The following CCL5 variants were observed in gnomAD, a reference collection of about 807,000 sequenced individuals.
The protein encoded by CCL5 is C-C motif chemokine ligand 5, also known as C-C motif chemokine 5.
In CCL5, 5 loss-of-function variants were observed where a neutral mutation model predicts 9.0. The ratio of observed to expected loss-of-function variants is 0.55; its 90% CI spans 0.29 to 1.16. CCL5 has a LOEUF of 1.16. Ranked by LOEUF, CCL5 falls within the 50% of genes most tolerant of loss-of-function variation. The pLI, the probability that CCL5 is intolerant of heterozygous loss-of-function variation, is 0.08. For missense variants in CCL5, 183 were observed against 183.2 expected, an observed-to-expected ratio of 1.00 and a Z score of 0.01; for synonymous variants, 66 against 72.0, an observed-to-expected ratio of 0.92 and a Z score of 0.42.
intron 2 of CCL5, 41 bp downstream of exon 2, chr17:35,878,487 G>A (rs1195827582): frequency 1.4e-6 from 2 of 1,411,974 alleles, no homozygotes; most frequent in African/African-American, 2.8e-5. Context: ...GGACTCCTCA[G>A]GGAACAGGCT....
rs1205214946 is a variant in CCL5 at position 35,880,299 on chromosome 17, C to T, written c.7G>A (p.Val3Ile). ...ATGACAGCGAGGGCTGCCGCGGAGA[C>T]CTTCATGGTACCTGTGGGAGAGGCT... is the stretch of plus-strand genomic sequence containing the variant. Residue 3 changes from valine to isoleucine, a missense_variant, in exon 1 of 4, where the codon GTC becomes ATC. Physicochemically the swap from Val to Ile is conservative, Grantham distance 29. Transcript: ENST00000651122. 5.6e-6 allele frequency: 9 copies of T among 1,612,006 alleles called. No homozygotes were observed. In the East Asian group the frequency reaches 1.3e-4, roughly 24 times the overall value.
intron 2 of CCL5, among the ~76,000 whole-genome samples, chr17:35,876,570 G>C (rs1568349797): frequency 1.3e-5 from 2 of 152,140 alleles, no homozygotes; most frequent in Admixed American, 1.3e-4. Context: ...AAAAGTGTCT[G>C]TCTTTGAAAC....
intron 1 of CCL5, among the ~76,000 whole-genome samples, chr17:35,879,578 T>C (rs2088487703): frequency 1.5e-5 from 2 of 131,726 alleles, no homozygotes; most frequent in Non-Finnish European, 3.0e-5. Flanking sequence ...GAGCTTGCAG[T>C]AAGCCGAGAT....
chr17:35,878,753 G>C, intron 1 of CCL5, 114 bp from the exon 2 acceptor site: 1 of 667,876 alleles, frequency 1.5e-6, no homozygotes, highest in South Asian at 1.9e-5. Flanking sequence ...TTCCTTGACA[G>C]AAACTGAGGC....
intron 2 of CCL5, among the ~76,000 whole-genome samples, chr17:35,876,754 T>C (rs1190478953): frequency 1.3e-5 from 2 of 152,214 alleles, no homozygotes; most frequent in African/African-American, 4.8e-5. Flanking sequence ...ACTCCGTGCT[T>C]TCCTACATGG....
At chr17:35,878,385 A>G in intron 2 of CCL5, 143 bp downstream of exon 2, 1 of 629,876 alleles carries the variant, frequency 1.6e-6, no homozygotes, top group South Asian at 1.9e-5. Context: ...GTCTTTTTAC[A>G]TGATAGCAGG....
At chr17:35,878,417 A>T in intron 2 of CCL5, 111 bp downstream of exon 2, 2 of 694,314 alleles carry the variant, frequency 2.9e-6, no homozygotes, top group Non-Finnish European at 5.2e-6. Context: ...CTAGAGATGG[A>T]GGAGCTGTGG....
In CCL5 at chr17:35,872,326, C is replaced by G. The variant is rs1240558857; in HGVS notation, c.409G>C (p.Ala137Pro). Reference sequence around the variant, plus strand: ...GAAGCCTCCCAAGCTAGGACAAGAGCAAGCAGAAACAGGCAAATTTGTGTA... The same window carrying G: ...GAAGCCTCCCAAGCTAGGACAAGAGGAAGCAGAAACAGGCAAATTTGTGTA... Residue 137 changes from alanine (A) to proline (P), a missense_variant, in exon 4 of 4, where the codon GCT (alanine) becomes CCT (proline). Physicochemically the swap from Ala to Pro is conservative, Grantham distance 27 (BLOSUM62 -1). Transcript: ENST00000651122. The G allele has an allele frequency of 6.2e-7, 1 of 1,608,736 alleles. No individual in the cohort carries two copies. The highest frequency in any genetic ancestry group is 1.7e-5 in the Admixed American group (1 of 59,840).
chr17:35,879,621 C>T (rs1568353738), intron 1 of CCL5, among the ~76,000 whole-genome samples: 2 of 120,794 alleles, frequency 1.7e-5, no homozygotes, highest in Non-Finnish European at 3.2e-5. Flanking sequence ...GGCGACAGAG[C>T]GAAGACTCCA....
At chr17:35,872,488 G>T (rs757287512) in intron 3 of CCL5, 24 bp from the exon 3 acceptor site, 70 of 1,609,208 alleles carry the variant, frequency 4.3e-5, no homozygotes, top group Non-Finnish European at 5.8e-5. Flanking sequence ...GAAGAAGAGG[G>T]AGGATGAGAC....
chr17:35,872,982 C>A (rs765220101), intron 3 of CCL5, among the ~76,000 whole-genome samples: 2 of 151,736 alleles, frequency 1.3e-5, no homozygotes, highest in African/African-American at 4.8e-5. Context: ...TTTCGCCTCC[C>A]GGGTTCAAGC....
At chr17:35,879,735 AT>A (rs1196463470) in intron 1 of CCL5, among the ~76,000 whole-genome samples, 1 of 148,634 alleles carries the variant, frequency 6.7e-6, no homozygotes, top group Non-Finnish European at 1.5e-5. Context: ...CCTTGTTTTT[AT>A]TTGTTTTTTA....
rs757614591 is a variant in CCL5 at position 35,872,286 on chromosome 17, G to A, written c.449C>T (p.Thr150Ile). 1.3e-6 allele frequency: 2 copies of A among 1,589,308 alleles called. No homozygotes were observed. Among genetic ancestry groups the A allele is most frequent in the Admixed American group, 1.7e-5 (1 of 58,612 alleles). ...CTGGGCCCTTCAAGGAGCGGGTGGG[G>A]TAGGATAGTGAGGGGAAGCCTCCCA... The change falls in exon 4 of 4, where the codon ACC (threonine) becomes ATC (isoleucine). Residue 150 changes from threonine (T) to isoleucine (I), a missense_variant. By Grantham distance (89) the Thr-to-Ile change is moderately conservative (BLOSUM62 -1). Transcript: ENST00000651122.
chr17:35,877,944 T>C (rs1331364448), intron 2 of CCL5, among the ~76,000 whole-genome samples: 2 of 152,080 alleles, frequency 1.3e-5, no homozygotes, highest in African/African-American at 4.8e-5. Context: ...CTTCCCCACA[T>C]AGGAGCATTC....
chr17:35,877,708 AT>A lies in CCL5; in HGVS notation c.188+819del, dbSNP rs372115891. On this transcript the variant is annotated intron_variant, in intron 2 of 3. Coordinates refer to ENST00000651122, the MANE Select transcript of CCL5 (RefSeq NM_001278736.2). The stretch of plus-strand genomic sequence containing the variant: ...TTTCCTATATAGTAGGGTTTATTAT[AT>A]TTTTCCAAATATACTAGCTTGCATA... Among the ~76,000 whole-genome samples the A allele has an allele frequency of 9.1e-4, 139 of 152,286 alleles. 6 individuals are homozygous for A. In the South Asian group the frequency reaches 0.028, roughly 31 times the overall value.
chr17:35,877,931 G>A (rs2088461496), intron 2 of CCL5, among the ~76,000 whole-genome samples: 1 of 152,020 alleles, frequency 6.6e-6, no homozygotes, highest in Non-Finnish European at 1.5e-5. Flanking sequence ...TGACTGACTT[G>A]ATCTTCCCCA....
At chr17:35,878,694 G>T (rs1343367669) in intron 1 of CCL5, 55 bp from the exon 2 acceptor site, 1 of 990,470 alleles carries the variant, frequency 1.0e-6, no homozygotes, top group Non-Finnish European at 1.6e-6. Flanking sequence ...CTGCACACTT[G>T]ACATTGTGCT....
chr17:35,872,304 G>A lies in CCL5; in HGVS notation c.431C>T (p.Ala144Val), dbSNP rs1362850038. Residue 144 changes from alanine to valine, a missense_variant, in exon 4 of 4, where the codon GCT becomes GTT. By Grantham distance (64) the Ala-to-Val change is moderately conservative (BLOSUM62 0). Coordinates refer to ENST00000651122, the MANE Select transcript of CCL5 (RefSeq NM_001278736.2). ...GGGTGGGGTAGGATAGTGAGGGGAAGCCTCCCAAGCTAGGACAAGAGCAAG... is the reference window on the plus strand; with the variant it reads ...GGGTGGGGTAGGATAGTGAGGGGAAACCTCCCAAGCTAGGACAAGAGCAAG... The A allele has an allele frequency of 9.4e-6, 15 of 1,599,272 alleles. No homozygotes were observed. The Admixed American group carries it at 2.5e-4, about 27-fold the overall frequency.
intron 3 of CCL5, among the ~76,000 whole-genome samples, chr17:35,874,116 C>T (rs868415638): frequency 6.6e-6 from 1 of 152,248 alleles, no homozygotes; most frequent in South Asian, 2.1e-4. Flanking sequence ...CAGGGTCAGT[C>T]CTGCCTACTT....
Sources: gnomAD v4.1 joint callset for allele counts (sites outside exome capture counted in the v4.1 genomes callset) on GRCh38, gnomAD v4.1.1 for gene constraint, MANE v1.5 for transcripts, NCBI Gene and HGNC (gene_info 2026-07-23, HGNC 2026-07-21) for gene names.